Variants in GULP1 observed in about 807,000 individuals in gnomAD.
The protein encoded by GULP1 is PTB domain-containing engulfment adapter protein 1.
GULP1 carries 19 observed loss-of-function variants against 40.9 expected under a neutral mutation model. The ratio of observed to expected loss-of-function variants is 0.46; its 90% CI spans 0.32 to 0.68. GULP1 has a LOEUF of 0.68. GULP1 is among the 30% of genes least tolerant of loss of function. GULP1 has a pLI of 0.03. For missense variants in GULP1, 312 were observed against 362.2 expected, an observed-to-expected ratio of 0.86 and a Z score of 1.12; for synonymous variants, 119 against 117.6, an observed-to-expected ratio of 1.01 and a Z score of -0.08.
At chr2:188,582,242 T>G (rs1357280169) in intron 9 of GULP1, 1 of 392,572 alleles carries the variant, frequency 2.5e-6, no homozygotes, top group African/African-American at 2.1e-5. Flanking sequence ...CTTATCATCT[T>G]AACAAAACAC....
At chr2:188,310,843 G>A (rs2037965886) in intron 1 of GULP1, among the ~76,000 whole-genome samples, 1 of 152,110 alleles carries the variant, frequency 6.6e-6, no homozygotes, top group Non-Finnish European at 1.5e-5. Flanking sequence ...AAACCTCATA[G>A]GAGGAAGCTA....
intron 1 of GULP1, among the ~76,000 whole-genome samples, chr2:188,383,136 C>T (rs569861726): frequency 8.5e-5 from 13 of 152,158 alleles, no homozygotes; most frequent in South Asian, 2.1e-4. Flanking sequence ...CTTATGTCAG[C>T]GGTACATTCG....
intron 1 of GULP1, among the ~76,000 whole-genome samples, chr2:188,348,357 C>T (rs2043980861): frequency 6.6e-6 from 1 of 152,172 alleles, no homozygotes; most frequent in Non-Finnish European, 1.5e-5. Flanking sequence ...GGCCTTTTTA[C>T]TGCCTTTATC....
chr2:188,569,028 G>A (rs995214502), intron 7 of GULP1, among the ~76,000 whole-genome samples: 5 of 152,024 alleles, frequency 3.3e-5, no homozygotes, highest in African/African-American at 1.2e-4. Context: ...AAGTCCGCTT[G>A]TTTTTTCAAT....
intron 1 of GULP1, among the ~76,000 whole-genome samples, chr2:188,340,196 A>G (rs902527851): frequency 1.3e-5 from 2 of 152,214 alleles, no homozygotes; most frequent in Non-Finnish European, 2.9e-5. Flanking sequence ...GGAATAGTGA[A>G]CTTAGTTAAA....
intron 9 of GULP1, among the ~76,000 whole-genome samples, chr2:188,583,485 A>G (rs554913479): frequency 2.0e-4 from 30 of 152,310 alleles, no homozygotes; most frequent in African/African-American, 7.0e-4. Flanking sequence ...GATTATACAT[A>G]TATACATATT....
intron 2 of GULP1, among the ~76,000 whole-genome samples, chr2:188,409,266 G>T (rs1049088097): frequency 1.3e-5 from 2 of 152,036 alleles, no homozygotes; most frequent in Admixed American, 6.6e-5. Context: ...AGAAATGAAA[G>T]AGGAGAAACT....
chr2:188,400,504 G>A (rs574045935), intron 2 of GULP1, among the ~76,000 whole-genome samples: 9 of 152,114 alleles, frequency 5.9e-5, no homozygotes, highest in Admixed American at 5.2e-4. Context: ...TGGTGACGAG[G>A]CTAGTGTAAC....
At chr2:188,409,318 C>CT (rs1243883969) in intron 2 of GULP1, among the ~76,000 whole-genome samples, 7 of 152,056 alleles carry the variant, frequency 4.6e-5, no homozygotes, top group African/African-American at 1.7e-4. Flanking sequence ...TGAAAGACTG[C>CT]TATGAACAAC....
At chr2:188,315,606 A>G (rs1033695426) in intron 1 of GULP1, among the ~76,000 whole-genome samples, 1 of 152,104 alleles carries the variant, frequency 6.6e-6, no homozygotes, top group Non-Finnish European at 1.5e-5. Context: ...TCTTGGATTA[A>G]TGAATACAGT....
At chr2:188,435,252 A>C (rs1441987835) in intron 2 of GULP1, among the ~76,000 whole-genome samples, 1 of 151,744 alleles carries the variant, frequency 6.6e-6, no homozygotes, top group Non-Finnish European at 1.5e-5. Context: ...GATTGTTCCA[A>C]CTCTTTTTGA....
chr2:188,565,590 A>G (rs1255812214), intron 7 of GULP1, among the ~76,000 whole-genome samples: 2 of 152,066 alleles, frequency 1.3e-5, no homozygotes, highest in Non-Finnish European at 2.9e-5. Flanking sequence ...TGCTGGTGGA[A>G]ATGCAAAATT....
chr2:188,378,798 C>A (rs1238817910), intron 1 of GULP1, among the ~76,000 whole-genome samples: 1 of 152,068 alleles, frequency 6.6e-6, no homozygotes, highest in Non-Finnish European at 1.5e-5. Context: ...CTCACTAAGT[C>A]CCACGTTTAA....
chr2:188,487,146 G>A (rs1273428449), intron 4 of GULP1, among the ~76,000 whole-genome samples: 1 of 151,812 alleles, frequency 6.6e-6, no homozygotes, highest in Non-Finnish European at 1.5e-5. Context: ...TAAAATGCTG[G>A]CAGACTTGTA....
At chr2:188,365,731 T>A (rs1447828963) in intron 1 of GULP1, among the ~76,000 whole-genome samples, 3 of 152,178 alleles carry the variant, frequency 2.0e-5, no homozygotes, top group Non-Finnish European at 4.4e-5. Flanking sequence ...TAGTTGGCCC[T>A]GCAGGAATCT....
intron 4 of GULP1, among the ~76,000 whole-genome samples, chr2:188,518,614 T>C (rs1400719809): frequency 6.6e-6 from 1 of 152,126 alleles, no homozygotes; most frequent in Admixed American, 6.5e-5. Context: ...GTCTTGAGTG[T>C]GAGTCATTAC....
chr2:188,412,591 C>T (rs1464100041), intron 2 of GULP1, among the ~76,000 whole-genome samples: 2 of 152,150 alleles, frequency 1.3e-5, no homozygotes, highest in African/African-American at 4.8e-5. Context: ...GGTGGGGACA[C>T]AGCCAAACCA....
At chr2:188,567,667 G>A (rs1241971201) in intron 7 of GULP1, among the ~76,000 whole-genome samples, 2 of 152,056 alleles carry the variant, frequency 1.3e-5, no homozygotes, top group African/African-American at 4.8e-5. Context: ...AGGGAACTTA[G>A]AGGATGGGTC....
At chr2:188,365,917 C>G (rs2046720824) in intron 1 of GULP1, among the ~76,000 whole-genome samples, 2 of 152,104 alleles carry the variant, frequency 1.3e-5, no homozygotes, top group Admixed American at 6.5e-5. Flanking sequence ...CTGGGCAGAC[C>G]TAGAGAGAAC....
Sources: allele counts gnomAD v4.1 joint callset (sites outside exome capture counted in the v4.1 genomes callset), GRCh38; gene constraint gnomAD v4.1.1; transcripts MANE v1.5; gene names NCBI Gene and HGNC (gene_info 2026-07-23, HGNC 2026-07-21).